AFF3: variants seen among roughly 807,000 people sequenced by gnomAD.
AFF3 encodes the protein ALF transcription elongation factor 3.
A neutral mutation model predicts 129.7 loss-of-function variants in AFF3; 32 were observed. The ratio of observed to expected loss-of-function variants is 0.25; its 90% CI spans 0.19 to 0.33. The LOEUF (loss-of-function observed/expected upper bound fraction) is 0.33. AFF3 is among the 10% of genes least tolerant of loss of function. The pLI is 1.00. For missense variants in AFF3, 1,373 were observed against 1,592.0 expected, an observed-to-expected ratio of 0.86 and a Z score of 2.34; for synonymous variants, 644 against 635.4, an observed-to-expected ratio of 1.01 and a Z score of -0.20.
chr2:99,661,757 G>A (rs1252484936), intron 12 of AFF3, among the ~76,000 whole-genome samples: 1 of 152,100 alleles, frequency 6.6e-6, no homozygotes, highest in Non-Finnish European at 1.5e-5. Context: ...ACCTATGCTT[G>A]TGCTTTTTGC....
intron 8 of AFF3, among the ~76,000 whole-genome samples, chr2:99,756,013 T>C (rs1682067054): frequency 6.6e-6 from 1 of 152,222 alleles, no homozygotes; most frequent in Non-Finnish European, 1.5e-5. Flanking sequence ...GAAAGGTAAC[T>C]GTGCACAATG....
intron 8 of AFF3, among the ~76,000 whole-genome samples, chr2:99,835,946 A>G (rs536288270): frequency 6.6e-6 from 1 of 152,274 alleles, no homozygotes; most frequent in East Asian, 1.9e-4. Flanking sequence ...TTAGAAAACA[A>G]TAACTATAAA....
intron 7 of AFF3, among the ~76,000 whole-genome samples, chr2:99,925,628 C>G (rs1273724960): frequency 6.6e-6 from 1 of 152,188 alleles, no homozygotes; most frequent in Non-Finnish European, 1.5e-5. Context: ...GAACTCTCAG[C>G]CTTCTGCCAC....
intron 7 of AFF3, among the ~76,000 whole-genome samples, chr2:99,887,997 T>C (rs927948604): frequency 2.6e-5 from 4 of 152,226 alleles, no homozygotes; most frequent in Non-Finnish European, 4.4e-5. Context: ...ACTAGCTCTC[T>C]GCACTCACTA....
Position 99,644,522 on chromosome 2 carries a change from C to T in AFF3, c.1184+5104G>A, listed in dbSNP as rs142805871. On this transcript the variant is annotated intron_variant, in intron 13 of 24. Transcript: ENST00000672756. ...TCCTGATCTGCTGCTATAAAGCATGCCTGCTCGCTGAGAGCAGCGCTGTCA... is the reference window on the plus strand; with the variant it reads ...TCCTGATCTGCTGCTATAAAGCATGTCTGCTCGCTGAGAGCAGCGCTGTCA... 2.1e-3 allele frequency among the ~76,000 whole-genome samples: 324 copies of T among 152,302 alleles called. 1 individual carries two copies. The highest frequency in any genetic ancestry group is 7.5e-3 in the African/African-American group (313 of 41,564).
At chr2:100,019,529 A>C (rs1418981578) in intron 4 of AFF3, among the ~76,000 whole-genome samples, 2 of 152,230 alleles carry the variant, frequency 1.3e-5, no homozygotes, top group Non-Finnish European at 2.9e-5. Flanking sequence ...AAGCTCACTA[A>C]TGTACCTGAG....
intron 11 of AFF3, chr2:99,707,672 G>T (rs1272667543): frequency 1.0e-6 from 1 of 980,278 alleles, no homozygotes; most frequent in Non-Finnish European, 1.2e-6. Flanking sequence ...AAGAGCTTTG[G>T]TATTTAGATG....
At chr2:99,614,784 T>C (rs895398755) in intron 13 of AFF3, among the ~76,000 whole-genome samples, 1 of 152,240 alleles carries the variant, frequency 6.6e-6, no homozygotes, top group African/African-American at 2.4e-5. Context: ...AGCTTTTCTT[T>C]TTCAGATGGG....
intron 8 of AFF3, among the ~76,000 whole-genome samples, chr2:99,756,681 G>T (rs560346487): frequency 1.3e-5 from 2 of 152,116 alleles, no homozygotes; most frequent in South Asian, 4.2e-4. Context: ...TCCTGACACT[G>T]TATTCCTCCT....
At chr2:99,961,088 GTCA>G (rs1306412649) in intron 7 of AFF3, among the ~76,000 whole-genome samples, 1 of 152,160 alleles carries the variant, frequency 6.6e-6, no homozygotes, top group Admixed American at 6.5e-5. Context: ...TGGAGCTTCA[GTCA>G]TCATGTGTCA....
chr2:99,740,498 T>C (rs1241245061), intron 10 of AFF3, among the ~76,000 whole-genome samples: 2 of 142,228 alleles, frequency 1.4e-5, no homozygotes, highest in Non-Finnish European at 3.1e-5. Context: ...TTTTAATGAT[T>C]GCCATTCTAA....
At chr2:100,113,126 C>T (rs1305579955) in intron 2 of AFF3, among the ~76,000 whole-genome samples, 2 of 152,160 alleles carry the variant, frequency 1.3e-5, no homozygotes, top group Non-Finnish European at 2.9e-5. Context: ...GGGATACATT[C>T]CCAAACCAGG....
intron 15 of AFF3, among the ~76,000 whole-genome samples, 177 bp downstream of exon 15, chr2:99,593,018 C>T (rs1431895929): frequency 7.1e-6 from 1 of 141,676 alleles, no homozygotes; most frequent in Non-Finnish European, 1.5e-5. Context: ...GTGCTTACAA[C>T]AGTGTCTGGA....
intron 13 of AFF3, among the ~76,000 whole-genome samples, chr2:99,616,204 T>C (rs762868386): frequency 2.0e-5 from 3 of 152,164 alleles, no homozygotes; most frequent in Non-Finnish European, 4.4e-5. Context: ...CCCATGCACT[T>C]ATTTGTAATA....
chr2:99,958,785 G>C (rs1311671113), intron 7 of AFF3, among the ~76,000 whole-genome samples: 1 of 152,022 alleles, frequency 6.6e-6, no homozygotes, highest in Non-Finnish European at 1.5e-5. Flanking sequence ...GATTTTGGGA[G>C]CCAGAGGATT....
At chr2:100,101,356 T>C (rs542130847) in intron 4 of AFF3, among the ~76,000 whole-genome samples, 9 of 150,892 alleles carry the variant, frequency 6.0e-5, no homozygotes, top group South Asian at 2.1e-4. Flanking sequence ...ATTTGTTCAA[T>C]TGGAAAATGA....
rs143212063 is a variant in AFF3 at position 99,910,290 on chromosome 2, G to A, written c.874-72766C>T. Among the ~76,000 whole-genome samples the A allele has an allele frequency of 3.4e-3, 517 of 152,212 alleles. 5 individuals carry two copies. Among genetic ancestry groups the A allele is most frequent in the African/African-American group, 0.012 (496 of 41,518 alleles). ...CCCATTATTTATTCACTAAGCATTG[G>A]TAGTTAGCATTTTTATTGCTCATTT... On this transcript the variant is annotated intron_variant, in intron 7 of 24. Transcript: ENST00000672756.
At chr2:99,738,108 A>C (rs1680403261) in intron 10 of AFF3, among the ~76,000 whole-genome samples, 2 of 152,136 alleles carry the variant, frequency 1.3e-5, no homozygotes, top group Non-Finnish European at 2.9e-5. Flanking sequence ...TTTCTGAATT[A>C]GGAGTCTGAT....
intron 13 of AFF3, among the ~76,000 whole-genome samples, chr2:99,616,176 C>A (rs948032270): frequency 6.6e-6 from 1 of 152,090 alleles, no homozygotes; most frequent in Non-Finnish European, 1.5e-5. Flanking sequence ...GCAATGTAAC[C>A]CATTAGAGAT....
Sources: allele counts gnomAD v4.1 joint callset (sites outside exome capture counted in the v4.1 genomes callset), GRCh38; gene constraint gnomAD v4.1.1; transcripts MANE v1.5; gene names NCBI Gene and HGNC (gene_info 2026-07-23, HGNC 2026-07-21).